The following TRPC1 variants were observed in gnomAD, a reference collection of about 807,000 sequenced individuals.
TRPC1 encodes the protein short transient receptor potential channel 1.
A neutral mutation model predicts 88.2 loss-of-function variants in TRPC1; 42 were observed. The ratio of observed to expected loss-of-function variants is 0.48; its 90% CI spans 0.37 to 0.62. The LOEUF (loss-of-function observed/expected upper bound fraction) is 0.62, where lower values mean the gene tolerates loss of function less well. TRPC1 is among the 20% of genes least tolerant of loss of function. The pLI is 0.00. For missense variants in TRPC1, 699 were observed against 957.3 expected (o/e 0.73, Z 3.56); for synonymous variants, 288 against 331.8 (o/e 0.87, Z 1.43).
intron 5 of TRPC1, among the ~76,000 whole-genome samples, chr3:142,779,485 T>C (rs1935887575): frequency 6.6e-6 from 1 of 152,242 alleles, no homozygotes; most frequent in Admixed American, 6.5e-5. Flanking sequence ...TATATACTTC[T>C]GATAAACATT....
intron 3 of TRPC1, among the ~76,000 whole-genome samples, chr3:142,745,850 C>T (rs533110300): frequency 1.6e-4 from 24 of 152,046 alleles, no homozygotes; most frequent in Non-Finnish European, 2.9e-4. Context: ...CTCCACTTCC[C>T]GGGTTCAAGT....
chr3:142,784,793 G>C lies in TRPC1; in HGVS notation c.1050G>C (p.Lys350Asn). 1 of 1,614,154 alleles carries C rather than the reference G, an allele frequency of 6.2e-7. No homozygotes were observed. The highest frequency in any genetic ancestry group is 8.5e-7 in the Non-Finnish European group (1 of 1,180,006). Residue 350 changes from lysine (K) to asparagine (N), a missense_variant, in exon 7 of 13, where the codon AAG (lysine) becomes AAC (asparagine). Transcript: ENST00000476941. ...SGYRRKPTCK[K>N]IMTVLTVGIF... ...ACCGACGCAAGCCCACCTGTAAGAA[G>C]ATAATGACTGTTTTGACAGTAGGCA...
At chr3:142,800,900 TAG>T (rs1455968348) in intron 9 of TRPC1, among the ~76,000 whole-genome samples, 5 of 146,626 alleles carry the variant, frequency 3.4e-5, no homozygotes, top group Non-Finnish European at 6.0e-5. Flanking sequence ...GCCTGGGAGA[TAG>T]AGACTGTCTT....
intron 7 of TRPC1, among the ~76,000 whole-genome samples, chr3:142,789,625 C>A (rs1265782628): frequency 6.6e-6 from 1 of 152,144 alleles, no homozygotes; most frequent in African/African-American, 2.4e-5. Context: ...ATGTGTGATG[C>A]TACAGCACTC....
intron 10 of TRPC1, 104 bp from the exon 11 acceptor site, chr3:142,803,873 T>C: frequency 3.4e-6 from 4 of 1,193,186 alleles, no homozygotes; most frequent in Non-Finnish European, 4.7e-6. Context: ...GAACTTTTCA[T>C]GGATTATCAA....
At chr3:142,774,425 A>G (rs1286883455) in intron 4 of TRPC1, among the ~76,000 whole-genome samples, 1 of 152,132 alleles carries the variant, frequency 6.6e-6, no homozygotes, top group Non-Finnish European at 1.5e-5. Context: ...AGTTTTCTCT[A>G]TCCATGTCCA....
chr3:142,792,850 T>A lies in TRPC1; in HGVS notation c.1464T>A (p.Asp488Glu). The A allele has an allele frequency of 6.3e-7, 1 of 1,599,172 alleles. No homozygotes were observed. The highest frequency in any genetic ancestry group is 8.5e-7 in the Non-Finnish European group (1 of 1,172,470). ...NKFHDFADRK[D>E]WDAFHPTLVA... ...TTCATGATTTTGCTGATCGGAAGGA[T>A]TGGGATGCATTCCATCCTACACTGG... Residue 488 changes from aspartate to glutamate, a missense_variant, in exon 9 of 13, where the codon GAT becomes GAA. Asp to Glu is a conservative substitution (Grantham distance 45). Transcript: ENST00000476941. The surrounding 1 kb of genome is among the most constrained non-coding windows in gnomAD (Gnocchi z 4.0).
chr3:142,786,118 G>C (rs1026931339), intron 7 of TRPC1, among the ~76,000 whole-genome samples: 1 of 152,066 alleles, frequency 6.6e-6, no homozygotes, highest in Non-Finnish European at 1.5e-5. Flanking sequence ...GTATTTTAAA[G>C]ATATTTTCTT....
chr3:142,754,358 C>A (rs191212828), intron 4 of TRPC1, among the ~76,000 whole-genome samples: 227 of 151,546 alleles, frequency 1.5e-3, no homozygotes, highest in Non-Finnish European at 2.2e-3. Flanking sequence ...TGAGAAACAC[C>A]GGAATTGGGA....
intron 4 of TRPC1, among the ~76,000 whole-genome samples, chr3:142,756,560 C>G (rs1348164348): frequency 6.6e-6 from 1 of 151,938 alleles, no homozygotes; most frequent in Non-Finnish European, 1.5e-5. Flanking sequence ...GGGGTTTCAC[C>G]GTGTTAGCCA....
intron 4 of TRPC1, among the ~76,000 whole-genome samples, chr3:142,749,262 T>A (rs1934666142): frequency 6.6e-6 from 1 of 152,198 alleles, no homozygotes. Flanking sequence ...GTGCTGCCAG[T>A]CATTTAAAAA....
At chr3:142,733,580 C>A (rs1385884664) in intron 1 of TRPC1, among the ~76,000 whole-genome samples, 1 of 152,164 alleles carries the variant, frequency 6.6e-6, no homozygotes, top group Admixed American at 6.5e-5. Flanking sequence ...TTTTTAACAG[C>A]AATCTAAACT....
In TRPC1 at chr3:142,806,043, C is replaced by T; in HGVS notation, c.2190C>T (p.Asn730=). ...ATTTGAAACAGAAGAGAGATGAAAA[C>T]TATCAAAAAGTGATGTGCTGCCTAG... ...WRNLKQKRDE[N]YQKVMCCLVH... is the part of the protein sequence containing the mutation. The change falls in exon 13 of 13, where the codon AAC becomes AAT. Residue 730 remains asparagine (N), a synonymous_variant. Transcript: ENST00000476941. 6.2e-7 allele frequency: 1 copy of T among 1,613,642 alleles called. No homozygotes were observed. Among genetic ancestry groups the T allele is most frequent in the African/African-American group, 1.3e-5 (1 of 75,012 alleles).
At position 142,806,257 on chromosome 3, in the gene TRPC1, G is replaced by GAAT; in HGVS notation, c.*26_*28dup. The GAAT allele has an allele frequency of 6.4e-7, 1 of 1,571,878 alleles. No homozygotes were observed. The highest frequency in any genetic ancestry group is 8.7e-7 in the Non-Finnish European group (1 of 1,150,076). ...TTAACCATTTTCTAAATCATGGAGC[G>GAAT]AATAATTTTCAATAACAGATCCAAA... On this transcript the variant is annotated 3_prime_UTR_variant, in exon 13 of 13. Coordinates refer to ENST00000476941, the MANE Select transcript of TRPC1 (RefSeq NM_001251845.2).
Position 142,724,716 on chromosome 3 carries a change from C to A in TRPC1, c.157C>A (p.Leu53Met). The change falls in exon 1 of 13, where the codon CTG (leucine) becomes ATG (methionine). Residue 53 changes from leucine (L) to methionine (M), a missense_variant. Coordinates refer to ENST00000476941, the MANE Select transcript of TRPC1 (RefSeq NM_001251845.2). The surrounding 1 kb of genome is among the most constrained non-coding windows in gnomAD (Gnocchi z 5.6). Reference protein sequence around the residue: ...ENTLNEKLFLLACDKGDYYMV... With the variant: ...ENTLNEKLFLMACDKGDYYMV... ...TACGCTGAATGAGAAGCTTTTCTTG[C>A]TGGCGTGCGACAAGGGTGAGAGTTA... The A allele has an allele frequency of 6.3e-7, 1 of 1,592,942 alleles. No homozygotes were observed. Among genetic ancestry groups the A allele is most frequent in the Non-Finnish European group, 8.6e-7 (1 of 1,167,170 alleles).
chr3:142,749,124 C>A (rs1934660356), intron 4 of TRPC1, among the ~76,000 whole-genome samples: 1 of 152,180 alleles, frequency 6.6e-6, no homozygotes, highest in South Asian at 2.1e-4. Context: ...ACATATATGA[C>A]ATCGGTCCTG....
chr3:142,766,753 A>G (rs541820043), intron 4 of TRPC1, among the ~76,000 whole-genome samples: 3 of 152,196 alleles, frequency 2.0e-5, no homozygotes, highest in South Asian at 4.1e-4. Flanking sequence ...CGGAACTCAG[A>G]CTAGCTCTCC....
intron 5 of TRPC1, 83 bp downstream of exon 5, chr3:142,777,846 A>G: frequency 1.4e-6 from 2 of 1,397,236 alleles, no homozygotes; most frequent in Non-Finnish European, 1.9e-6. Flanking sequence ...TATAATTTGT[A>G]TATATTTACA....
At chr3:142,744,657 T>C (rs1057314153) in intron 3 of TRPC1, among the ~76,000 whole-genome samples, 2 of 152,168 alleles carry the variant, frequency 1.3e-5, no homozygotes, top group African/African-American at 4.8e-5. Context: ...GTTAAAAATA[T>C]GCGTAGAAAA....
Sources: allele counts gnomAD v4.1 joint callset (sites outside exome capture counted in the v4.1 genomes callset), GRCh38; gene constraint gnomAD v4.1.1; non-coding constraint Gnocchi (gnomAD v3.1); transcripts MANE v1.5; gene names NCBI Gene and HGNC (gene_info 2026-07-23, HGNC 2026-07-21).